MIA3: variants seen among roughly 807,000 people sequenced by gnomAD.
MIA3 encodes the protein transport and Golgi organization protein 1 homolog.
A neutral mutation model predicts 192.4 loss-of-function variants in MIA3; 90 were observed. That is an observed-to-expected ratio of 0.47 (90% confidence interval 0.39 to 0.56). The LOEUF is 0.56. MIA3 is among the 20% of genes least tolerant of loss of function. The probability of loss-of-function intolerance (pLI) is 0.00; values close to 1 mark genes in which losing one functional copy is unlikely to be tolerated. For missense variants in MIA3, 2,123 were observed against 2,269.4 expected, an observed-to-expected ratio of 0.94 and a Z score of 1.31; for synonymous variants, 740 against 792.8, an observed-to-expected ratio of 0.93 and a Z score of 1.12.
intron 1 of MIA3, among the ~76,000 whole-genome samples, chr1:222,619,372 G>A (rs1489705289): frequency 1.3e-5 from 2 of 152,160 alleles, no homozygotes; most frequent in Non-Finnish European, 2.9e-5. Context: ...ATTTTAAGAA[G>A]GCCAAGAACT....
chr1:222,626,753 T>C (rs1662137688), intron 3 of MIA3, among the ~76,000 whole-genome samples: 1 of 152,238 alleles, frequency 6.6e-6, no homozygotes, highest in South Asian at 2.1e-4. Context: ...CTTACATTTT[T>C]ATATCTCATG....
chr1:222,663,297 G>C (rs1452746419), intron 26 of MIA3, among the ~76,000 whole-genome samples: 2 of 152,182 alleles, frequency 1.3e-5, no homozygotes, highest in African/African-American at 4.8e-5. Flanking sequence ...TCCAAGAGCA[G>C]CTTGGATAAG....
rs567676533 is a variant in MIA3, at chr1:222,637,580, C to G, written c.3477+4331C>G. Reference sequence around the variant, plus strand: ...TTAGACAACTCATTCGTGGCATTATCAAATGATGCCCAAAGGGTTTTGTTT... The same window carrying G: ...TTAGACAACTCATTCGTGGCATTATGAAATGATGCCCAAAGGGTTTTGTTT... On this transcript the variant is annotated intron_variant, in intron 6 of 27. Transcript: ENST00000344922. Among the ~76,000 whole-genome samples, 3 of 151,984 alleles carry G rather than the reference C, an allele frequency of 2.0e-5. No individual in the cohort carries two copies. In the South Asian group the frequency reaches 6.2e-4, roughly 32 times the overall value.
chr1:222,652,379 T>G (rs750798686), intron 13 of MIA3, 47 bp downstream of exon 13: 2 of 1,154,504 alleles, frequency 1.7e-6, no homozygotes, highest in South Asian at 2.5e-5. Context: ...GAGAACTCAG[T>G]ATCATACCTC....
Position 222,625,454 on chromosome 1 carries a change from A to G in MIA3, c.354+600A>G, listed in dbSNP as rs1571861608. Among the ~76,000 whole-genome samples, 8 of 152,352 alleles carry G rather than the reference A, an allele frequency of 5.3e-5. 1 individual carries two copies. In the South Asian group the frequency reaches 1.7e-3, roughly 32 times the overall value. On this transcript the variant is annotated intron_variant, in intron 3 of 27. Coordinates refer to ENST00000344922, the MANE Select transcript of MIA3 (RefSeq NM_198551.4). ...GAGAAATTTGAAAACTACTTATTGG[A>G]TAGCTGTTAGACATTTTAAGGATAT...
intron 18 of MIA3, among the ~76,000 whole-genome samples, chr1:222,657,457 C>T (rs186800665): frequency 2.6e-5 from 4 of 152,324 alleles, no homozygotes; most frequent in Admixed American, 2.6e-4. Flanking sequence ...GCTTAAAATG[C>T]CGGGCTTACT....
intron 6 of MIA3, among the ~76,000 whole-genome samples, chr1:222,639,791 A>T (rs1206315050): frequency 6.6e-6 from 1 of 152,180 alleles, no homozygotes; most frequent in Non-Finnish European, 1.5e-5. Context: ...ATAGTGAATG[A>T]TTGAATGTTT....
rs1662182684 is a variant in MIA3, at chr1:222,627,709, G to A, written c.489G>A (p.Gln163=). Residue 163 remains glutamine, a synonymous_variant, in exon 4 of 28, where the codon CAG becomes CAA. Coordinates refer to ENST00000344922, the MANE Select transcript of MIA3 (RefSeq NM_198551.4). The stretch of plus-strand genomic sequence containing the variant: ...AGAAAGCTGTAGAAAAAACTTTACA[G>A]GATATGGAAAAAAACCCTGAATTAT... The part of the protein sequence containing the change: ...DSEKAVEKTL[Q]DMEKNPELSK... 1 of 1,613,694 alleles carries A rather than the reference G, an allele frequency of 6.2e-7. No homozygotes were observed. Among genetic ancestry groups the A allele is most frequent in the African/African-American group, 1.3e-5 (1 of 74,948 alleles).
Position 222,632,337 on chromosome 1 carries a change from C to G in MIA3, c.3331+11C>G, listed in dbSNP as rs374887337. ...AAGACCTGGACCCAGGTAAAGCCTG[C>G]TAATTTTTTTCTACAAAGTGGAGAA... is the stretch of plus-strand genomic sequence containing the variant. On this transcript the variant is annotated intron_variant, in intron 5 of 27. Coordinates refer to ENST00000344922, the MANE Select transcript of MIA3 (RefSeq NM_198551.4). The G allele has an allele frequency of 3.8e-5, 61 of 1,603,600 alleles. No individual in the cohort carries two copies. The highest frequency in any genetic ancestry group is 3.1e-4 in the African/African-American group (23 of 74,050).
Position 222,618,180 on chromosome 1 carries a change from C to G in MIA3, c.70C>G (p.Leu24Val). 6.7e-7 allele frequency: 1 copy of G among 1,503,030 alleles called. No individual in the cohort carries two copies. The highest frequency in any genetic ancestry group is 8.9e-7 in the Non-Finnish European group (1 of 1,124,806). 93.1% of individuals were successfully genotyped at this position (1,503,030 alleles called of 1,614,324 possible). ...LRLPWRVPGQ[L>V]DPSTGRRFSE... is the part of the protein sequence containing the mutation. ...GCTGCCCTGGCGGGTGCCGGGCCAG[C>G]TGGACCCCAGCACTGGCCGGCGGTT... Residue 24 changes from leucine to valine, a missense_variant, in exon 1 of 28, where the codon CTG (leucine) becomes GTG (valine). Leu to Val is a conservative substitution (Grantham distance 32). Transcript: ENST00000344922.
At position 222,629,720 on chromosome 1, in the gene MIA3, A is replaced by G. The variant is rs79054337; in HGVS notation, c.2500A>G (p.Ile834Val). The G allele has an allele frequency of 7.3e-3, 11,813 of 1,614,204 alleles. 39 individuals are homozygous for G. Among genetic ancestry groups the G allele is most frequent in the Non-Finnish European group, 8.6e-3 (10,100 of 1,180,014 alleles). ...TGAACGAAGTGACTTTTCTGACAGCATAAAAATTCAGACTCCAGAATTAGG... is the reference window on the plus strand; with the variant it reads ...TGAACGAAGTGACTTTTCTGACAGCGTAAAAATTCAGACTCCAGAATTAGG... ...PFERSDFSDSIKIQTPELGEV... is the reference protein window; with the variant it reads ...PFERSDFSDSVKIQTPELGEV... Residue 834 changes from isoleucine to valine, a missense_variant, in exon 4 of 28, where the codon ATA (isoleucine) becomes GTA (valine). This residue lies in a region of MIA3 where 1,357 missense variants were observed against 1,396.1 expected (regional missense o/e 0.97). Transcript: ENST00000344922.
Position 222,628,824 on chromosome 1 carries a change from T to C in MIA3, c.1604T>C (p.Ile535Thr). The C allele has an allele frequency of 6.2e-7, 1 of 1,614,144 alleles. No individual in the cohort carries two copies. Among genetic ancestry groups the C allele is most frequent in the Non-Finnish European group, 8.5e-7 (1 of 1,180,018 alleles). The part of the protein sequence containing the change: ...ENDLKGAAIH[I>T]SKGMLHEEKP... Reference sequence around the variant, plus strand: ...GACCTAAAAGGAGCAGCTATTCATATCTCAAAAGGAATGCTCCACGAAGAA... The same window carrying C: ...GACCTAAAAGGAGCAGCTATTCATACCTCAAAAGGAATGCTCCACGAAGAA... The change falls in exon 4 of 28, where the codon ATC becomes ACC. Residue 535 changes from isoleucine (I) to threonine (T), a missense_variant. Ile to Thr is a moderately conservative substitution (Grantham distance 89). Around this residue, in one of 3 missense-constraint regions of MIA3, gnomAD observed 1,357 missense variants for 1,396.1 expected, o/e 0.97. Coordinates refer to ENST00000344922, the MANE Select transcript of MIA3 (RefSeq NM_198551.4).
intron 19 of MIA3, chr1:222,659,048 G>T (rs771049029): frequency 6.4e-5 from 30 of 468,390 alleles, no homozygotes; most frequent in Non-Finnish European, 1.0e-4. Flanking sequence ...GGGGTTGGAG[G>T]GGGTGGGAGC....
Position 222,664,117 on chromosome 1 carries a change from T to C in MIA3, c.5382T>C (p.Pro1794=). The change falls in exon 27 of 28, where the codon CCT becomes CCC. Residue 1794 remains proline (P), a synonymous_variant. Coordinates refer to ENST00000344922, the MANE Select transcript of MIA3 (RefSeq NM_198551.4). ...RYGPPPQLCG[P]FGPRPLPPPF... The stretch of plus-strand genomic sequence containing the variant: ...GACCACCACCTCAGCTCTGCGGACC[T>C]TTTGGGCCTCGGCCACTTCCTCCAC... 2 of 1,614,108 alleles carry C rather than the reference T, an allele frequency of 1.2e-6. No homozygotes were observed. The highest frequency in any genetic ancestry group is 1.7e-6 in the Non-Finnish European group (2 of 1,179,948).
Position 222,629,985 on chromosome 1 carries a change from A to G in MIA3, c.2765A>G (p.Asp922Gly), listed in dbSNP as rs1460876683. The G allele has an allele frequency of 8.7e-6, 14 of 1,614,004 alleles. 1 individual carries two copies. The East Asian group carries it at 3.1e-4, about 36-fold the overall frequency. Residue 922 changes from aspartate to glycine, a missense_variant, in exon 4 of 28, where the codon GAC becomes GGC. Transcript: ENST00000344922. ...CCAGGGCATAGTGACAAGAGGGAGG[A>G]CTTACTTATCATAAGCAGCTTCTTT... ...VEPGHSDKRE[D>G]LLIISSFFKE...
intron 1 of MIA3, among the ~76,000 whole-genome samples, 156 bp downstream of exon 1, chr1:222,618,399 C>T (rs1384240465): frequency 6.6e-6 from 1 of 152,038 alleles, no homozygotes; most frequent in East Asian, 1.9e-4. Flanking sequence ...ATGGGCTGAA[C>T]GCGGGGGTGG....
rs113612515 is a variant in MIA3, at chr1:222,650,687, C to T, written c.3774C>T (p.Leu1258=). The change falls in exon 10 of 28, where the codon CTC becomes CTT. Residue 1258 remains leucine, a synonymous_variant. Transcript: ENST00000344922. ...AAACCAGGAAACAAAATATGATTCT[C>T]TCTGATGAAGCAATTAAATATAAGG... ...VQETRKQNMI[L]SDEAIKYKDK... The T allele has an allele frequency of 1.2e-5, 19 of 1,599,046 alleles. No homozygotes were observed. The highest frequency in any genetic ancestry group is 1.0e-4 in the Admixed American group (6 of 58,148).
intron 6 of MIA3, among the ~76,000 whole-genome samples, chr1:222,637,551 C>T (rs767753922): frequency 1.3e-5 from 2 of 152,016 alleles, no homozygotes; most frequent in Admixed American, 6.6e-5. Context: ...TTCAAAATAA[C>T]GAGTTAGACA....
In MIA3 at chr1:222,629,351, A is replaced by T; in HGVS notation, c.2131A>T (p.Thr711Ser). Residue 711 changes from threonine (T) to serine (S), a missense_variant, in exon 4 of 28, where the codon ACA becomes TCA. This residue lies in a region of MIA3 where 1,357 missense variants were observed against 1,396.1 expected (regional missense o/e 0.97). Coordinates refer to ENST00000344922, the MANE Select transcript of MIA3 (RefSeq NM_198551.4). ...AGGACAGACAGACCAAACTGACAGC[A>T]CAGGAGGACCAGCTTTCCTTTCTAA... ...EVGQTDQTDS[T>S]GGPAFLSKVE... 4 of 1,614,194 alleles carry T rather than the reference A, an allele frequency of 2.5e-6. No individual in the cohort carries two copies. In the South Asian group the frequency reaches 4.4e-5, roughly 18 times the overall value.
Sources: gnomAD v4.1 joint callset for allele counts (sites outside exome capture counted in the v4.1 genomes callset) on GRCh38, gnomAD v4.1.1 for gene constraint, gnomAD v4.1.1 regional missense constraint, MANE v1.5 for transcripts, NCBI Gene and HGNC (gene_info 2026-07-23, HGNC 2026-07-21) for gene names.